The following USP42 variants were observed in gnomAD, a reference collection of about 807,000 sequenced individuals.
USP42 encodes the protein ubiquitin carboxyl-terminal hydrolase 42.
In USP42, 23 loss-of-function variants were observed where a neutral mutation model predicts 113.0. The observed-to-expected ratio is 0.20, with a 90% confidence interval of 0.15 to 0.29. USP42 has a LOEUF of 0.29. Among genes scored for constraint, USP42 ranks in the 10% least tolerant of loss-of-function variants. USP42 has a pLI of 1.00. For synonymous variants in USP42, 933 were observed against 699.0 expected (o/e 1.33, Z -5.28); for missense variants, 2,174 against 1,779.8 (o/e 1.22, Z -3.99).
the USP42 span, among the ~76,000 whole-genome samples, chr7:6,085,624 A>T: frequency 0.93 from 128,774 of 138,414 alleles, 60,101 homozygotes; most frequent in Middle Eastern, 0.98. Context: ...ATATATATAT[A>T]TTTTTTTTGA....
chr7:6,107,906 T>G (rs1388836878), intron 1 of USP42, among the ~76,000 whole-genome samples: 1 of 152,218 alleles, frequency 6.6e-6, no homozygotes, highest in Non-Finnish European at 1.5e-5. Flanking sequence ...TTGACAAACA[T>G]CTTTTCTATT....
rs572711370 is a variant in USP42, at chr7:6,157,001, CACTT to C, written c.3892_3895del (p.Leu1298GlyfsTer29). Reference sequence around the variant, plus strand: ...CGGACCTTTCCGTGAGAAAACGAAACACTTACGGATGGAAAGCAGGGATGACAGG... The same window carrying C: ...CGGACCTTTCCGTGAGAAAACGAAACACGGATGGAAAGCAGGGATGACAGG... On this transcript the variant is annotated frameshift_variant, in exon 16 of 18. Coordinates refer to ENST00000306177, the MANE Select transcript of USP42 (RefSeq NM_032172.3). LOFTEE classifies it high-confidence loss of function. The surrounding 1 kb of genome is among the most constrained non-coding windows in gnomAD (Gnocchi z 4.1). The C allele has an allele frequency of 5.1e-4, 820 of 1,613,514 alleles. 4 individuals are homozygous for C. In the East Asian group the frequency reaches 0.016, roughly 31 times the overall value.
At chr7:6,083,365 C>T in the USP42 span, among the ~76,000 whole-genome samples, 2 of 150,264 alleles carry the variant, frequency 1.3e-5, no homozygotes, top group Admixed American at 6.6e-5. Context: ...AAGCAATTCT[C>T]CTGCCTCAGC....
In USP42 at chr7:6,149,712, T is replaced by C; in HGVS notation, c.1516T>C (p.Ser506Pro). Reference protein sequence around the residue: ...VNASASVQNWSVNRSSVIPEH... With the variant: ...VNASASVQNWPVNRSSVIPEH... Reference sequence around the variant, plus strand: ...TGCTTCAGCTTCTGTCCAAAACTGGTCAGTTAATAGGTCCTCAGTGATCCC... The same window carrying C: ...TGCTTCAGCTTCTGTCCAAAACTGGCCAGTTAATAGGTCCTCAGTGATCCC... The change falls in exon 13 of 18, where the codon TCA becomes CCA. Residue 506 changes from serine (S) to proline (P), a missense_variant. Ser to Pro is a moderately conservative substitution (Grantham distance 74). Coordinates refer to ENST00000306177, the MANE Select transcript of USP42 (RefSeq NM_032172.3). 1 of 1,613,940 alleles carries C rather than the reference T, an allele frequency of 6.2e-7. No individual in the cohort carries two copies. The highest frequency in any genetic ancestry group is 8.5e-7 in the Non-Finnish European group (1 of 1,179,884).
the USP42 span, among the ~76,000 whole-genome samples, chr7:6,097,913 T>C: frequency 7.5e-6 from 1 of 133,340 alleles, no homozygotes; most frequent in South Asian, 2.4e-4. Context: ...TTTTCTTTTT[T>C]TTTTTTTTTT....
chr7:6,135,880 C>T lies in USP42; in HGVS notation c.482C>T (p.Ala161Val). ...EGFCMMCTMQ[A>V]HITQALSNPG... ...TTTTGTATGATGTGTACAATGCAAGCACATATTACCCAGGCACTCAGTAAT... is the reference window on the plus strand; with the variant it reads ...TTTTGTATGATGTGTACAATGCAAGTACATATTACCCAGGCACTCAGTAAT... Residue 161 changes from alanine (A) to valine (V), a missense_variant, in exon 4 of 18, where the codon GCA becomes GTA. Coordinates refer to ENST00000306177, the MANE Select transcript of USP42 (RefSeq NM_032172.3). 6.2e-7 allele frequency: 1 copy of T among 1,607,290 alleles called. No homozygotes were observed. Among genetic ancestry groups the T allele is most frequent in the Non-Finnish European group, 8.5e-7 (1 of 1,177,780 alleles).
chr7:6,136,351 C>T lies in USP42; in HGVS notation c.553+400C>T, dbSNP rs142960121. Among the ~76,000 whole-genome samples, 329 of 152,160 alleles carry T rather than the reference C, an allele frequency of 2.2e-3. 1 individual carries two copies. The highest frequency in any genetic ancestry group is 7.7e-3 in the African/African-American group (319 of 41,520). On this transcript the variant is annotated intron_variant, in intron 4 of 17. Transcript: ENST00000306177. ...TCCAACTGGTGAAAAAAACCGAACC[C>T]GTCATGTATTAGAAAACAAATACAT...
chr7:6,105,568 T>A (rs1362841797), intron 1 of USP42, among the ~76,000 whole-genome samples: 2 of 147,592 alleles, frequency 1.4e-5, no homozygotes, highest in African/African-American at 5.0e-5. Flanking sequence ...AGAGGCAAAG[T>A]TTTCCCACCT....
intron 2 of USP42, among the ~76,000 whole-genome samples, chr7:6,112,243 G>A (rs1157958426): frequency 1.3e-5 from 2 of 152,134 alleles, no homozygotes; most frequent in African/African-American, 2.4e-5. Flanking sequence ...GAGGTCAGGA[G>A]TTTGAGACCA....
rs369114720 is a variant in USP42 at position 6,154,182 on chromosome 7, C to T, written c.2628C>T (p.Ser876=). Residue 876 remains serine (S), a synonymous_variant, in exon 15 of 18, where the codon AGC becomes AGT. Coordinates refer to ENST00000306177, the MANE Select transcript of USP42 (RefSeq NM_032172.3). ...AGCAGCCACTCCTTGTTCACCCCAGCGGGGACCACGCCCGGGACGCTCAGG... is the reference window on the plus strand; with the variant it reads ...AGCAGCCACTCCTTGTTCACCCCAGTGGGGACCACGCCCGGGACGCTCAGG... ...PCEQPLLVHP[S]GDHARDAQDP... is the part of the protein sequence containing the mutation. 1.5e-5 allele frequency: 24 copies of T among 1,599,668 alleles called. No individual in the cohort carries two copies. The highest frequency in any genetic ancestry group is 1.1e-4 in the African/African-American group (8 of 74,764).
chr7:6,131,658 C>T (rs560913885), intron 3 of USP42, among the ~76,000 whole-genome samples: 1 of 152,240 alleles, frequency 6.6e-6, no homozygotes, highest in South Asian at 2.1e-4. Flanking sequence ...GTTGGGGCTT[C>T]CAGGTTGCTG....
intron 1 of USP42, 28 bp from the exon 2 acceptor site, chr7:6,111,097 A>G (rs745611614): frequency 6.3e-7 from 1 of 1,590,952 alleles, no homozygotes; most frequent in Non-Finnish European, 8.6e-7. Flanking sequence ...ACCTGATGAA[A>G]CAAATACATA....
chr7:6,149,535 T>C (rs1187860154), intron 12 of USP42, 48 bp from the exon 13 acceptor site: 2 of 1,553,294 alleles, frequency 1.3e-6, no homozygotes, highest in East Asian at 4.5e-5. Context: ...TCTGTTTGTG[T>C]GACCATGTTT....
Position 6,155,200 on chromosome 7 carries a change from G to T in USP42, c.3641+5G>T, listed in dbSNP as rs1466914869. 1.3e-6 allele frequency: 2 copies of T among 1,521,110 alleles called. No homozygotes were observed. Among genetic ancestry groups the T allele is most frequent in the South Asian group, 1.2e-5 (1 of 82,504 alleles). 94.2% of individuals were successfully genotyped at this position (1,521,110 alleles called of 1,614,324 possible). ...ACACCGAGACCGCGACTCCAGGTGA[G>T]CCTGGGGCCTTGTGCTCCCCGAGGC... On this transcript the variant is annotated splice_donor_5th_base_variant and intron_variant, in intron 15 of 17. Transcript: ENST00000306177.
In USP42 at chr7:6,161,471, A is replaced by ATCTT. The variant is rs1378687992; in HGVS notation, c.*955_*958dup. 6.6e-6 allele frequency: 1 copy of ATCTT among 152,550 alleles called. No homozygotes were observed. The highest frequency in any genetic ancestry group is 2.4e-5 in the African/African-American group (1 of 41,408). The allele number at this position is 152,550 out of a possible 1,614,324, so 9.4% of individuals were successfully genotyped here. On this transcript the variant is annotated 3_prime_UTR_variant, in exon 18 of 18. Transcript: ENST00000306177. ...GTTGTTCAGAGATGTTTAAAGTTTGATCTTTGTTTTTCTAAAGATTAAAAA... is the reference window on the plus strand; with the variant it reads ...GTTGTTCAGAGATGTTTAAAGTTTGATCTTTCTTTGTTTTTCTAAAGATTAAAAA...
chr7:6,118,696 C>T (rs761824894), intron 3 of USP42, among the ~76,000 whole-genome samples: 2 of 151,906 alleles, frequency 1.3e-5, no homozygotes, highest in Non-Finnish European at 2.9e-5. Flanking sequence ...TATTTTTTTG[C>T]ATATGGATGT....
intron 7 of USP42, among the ~76,000 whole-genome samples, chr7:6,141,186 TTTTC>T (rs937108045): frequency 8.0e-5 from 12 of 150,306 alleles, no homozygotes; most frequent in African/African-American, 2.9e-4. Context: ...ACTCTTTGAA[TTTTC>T]TTTTTCTTTT....
Position 6,150,052 on chromosome 7 carries a change from C to T in USP42, c.1856C>T (p.Ser619Leu), listed in dbSNP as rs946567371. Residue 619 changes from serine to leucine, a missense_variant, in exon 13 of 18, where the codon TCA (serine) becomes TTA (leucine). Transcript: ENST00000306177. Reference sequence around the variant, plus strand: ...TCCTCTGAGGACTCTGACGAGGAGTCAAAGGGGCTGGGCAAGGAGAATGGG... The same window carrying T: ...TCCTCTGAGGACTCTGACGAGGAGTTAAAGGGGCTGGGCAAGGAGAATGGG... ...AESSEDSDEESKGLGKENGIG... is the reference protein window; with the variant it reads ...AESSEDSDEELKGLGKENGIG... 1.2e-6 allele frequency: 2 copies of T among 1,610,198 alleles called. No individual in the cohort carries two copies. Among genetic ancestry groups the T allele is most frequent in the Admixed American group, 3.4e-5 (2 of 59,142 alleles).
At position 6,155,096 on chromosome 7, in the gene USP42, G is replaced by A; in HGVS notation, c.3542G>A (p.Ser1181Asn). ...CATGTTGAAAAGAAAGCCCGGAGGA[G>A]CGAACAGAAGGATCCTCTAGAAGAG... ...DSHVEKKARR[S>N]EQKDPLEEPK... Residue 1181 changes from serine (S) to asparagine (N), a missense_variant, in exon 15 of 18, where the codon AGC (serine) becomes AAC (asparagine). Transcript: ENST00000306177. The A allele has an allele frequency of 1.3e-6, 2 of 1,560,484 alleles. No homozygotes were observed. Among genetic ancestry groups the A allele is most frequent in the South Asian group, 1.2e-5 (1 of 84,412 alleles).
Sources: allele counts gnomAD v4.1 joint callset (sites outside exome capture counted in the v4.1 genomes callset), GRCh38; gene constraint gnomAD v4.1.1; non-coding constraint Gnocchi (gnomAD v3.1); transcripts MANE v1.5; gene names NCBI Gene and HGNC (gene_info 2026-07-23, HGNC 2026-07-21).